UNC5C: variants seen among roughly 807,000 people sequenced by gnomAD.
UNC5C encodes the protein unc-5 netrin receptor C, also known as netrin receptor UNC5C.
A neutral mutation model predicts 99.8 loss-of-function variants in UNC5C; 47 were observed. The observed-to-expected ratio is 0.47, with a 90% CI of 0.37 to 0.60. The LOEUF is 0.60. UNC5C is among the 20% of genes least tolerant of loss of function. UNC5C has a pLI of 0.00. For missense variants in UNC5C, 1,062 were observed against 1,165.9 expected (o/e 0.91, Z 1.30); for synonymous variants, 487 against 452.2 (o/e 1.08, Z -0.98).
chr4:95,202,459 G>A lies in UNC5C; in HGVS notation c.2136+272C>T, dbSNP rs372750661. 8.5e-5 allele frequency among the ~76,000 whole-genome samples: 13 copies of A among 152,314 alleles called. No homozygotes were observed. In the East Asian group the frequency reaches 1.5e-3, roughly 18 times the overall value. On this transcript the variant is annotated intron_variant, in intron 12 of 15. Transcript: ENST00000453304. ...TGGAAGCAGATTATTTACCATCCAC[G>A]GGTCTCGTTGCCAAATTCTTCTAAA...
intron 1 of UNC5C, among the ~76,000 whole-genome samples, chr4:95,393,866 A>T (rs1397323156): frequency 2.4e-4 from 26 of 107,060 alleles, no homozygotes; most frequent in Admixed American, 1.4e-3. Flanking sequence ...TTTTTTTTAA[A>T]AAAAAACAGA....
chr4:95,415,104 T>C (rs1746123392), intron 1 of UNC5C, among the ~76,000 whole-genome samples: 1 of 152,126 alleles, frequency 6.6e-6, no homozygotes, highest in Admixed American at 6.5e-5. Flanking sequence ...TAGCCAGAGC[T>C]GTCACAGACT....
intron 7 of UNC5C, among the ~76,000 whole-genome samples, chr4:95,224,699 T>G (rs377005738): frequency 6.6e-6 from 1 of 152,156 alleles, no homozygotes; most frequent in African/African-American, 2.4e-5. Context: ...ATGGGGATAC[T>G]TTCCTGTTTT....
At chr4:95,430,728 C>T (rs1441185474) in intron 1 of UNC5C, among the ~76,000 whole-genome samples, 2 of 152,114 alleles carry the variant, frequency 1.3e-5, no homozygotes, top group African/African-American at 4.8e-5. Flanking sequence ...TGTAGGGTCT[C>T]ACCCTTGGAA....
intron 1 of UNC5C, among the ~76,000 whole-genome samples, chr4:95,416,476 C>T (rs768181349): frequency 1.3e-5 from 2 of 151,880 alleles, no homozygotes; most frequent in African/African-American, 2.4e-5. Flanking sequence ...GAGAAGGGTG[C>T]GGGTATGATG....
At position 95,167,200 on chromosome 4, in the gene UNC5C, A is replaced by C. The variant is rs1735890264; in HGVS notation, c.*2034T>G. On this transcript the variant is annotated 3_prime_UTR_variant, in exon 16 of 16. Coordinates refer to ENST00000453304, the MANE Select transcript of UNC5C (RefSeq NM_003728.4). ...CAGCAACTTGTGTGCCTCCAGCCTAAAAGTAAACCACAGTCATGTTCTAAA... is the reference window on the plus strand; with the variant it reads ...CAGCAACTTGTGTGCCTCCAGCCTACAAGTAAACCACAGTCATGTTCTAAA... The C allele has an allele frequency of 6.6e-6, 1 of 152,204 alleles. No homozygotes were observed. The highest frequency in any genetic ancestry group is 1.5e-5 in the Non-Finnish European group (1 of 68,044). The allele number at this position is 152,204 out of a possible 1,614,324, so 9.4% of individuals were successfully genotyped here.
intron 14 of UNC5C, among the ~76,000 whole-genome samples, chr4:95,173,975 T>A (rs1436521935): frequency 1.3e-5 from 2 of 151,944 alleles, no homozygotes; most frequent in African/African-American, 4.8e-5. Context: ...CTTGGGAGAG[T>A]GTATGTGTTG....
chr4:95,173,838 C>G (rs1736224955), intron 14 of UNC5C, among the ~76,000 whole-genome samples: 1 of 152,114 alleles, frequency 6.6e-6, no homozygotes, highest in Non-Finnish European at 1.5e-5. Context: ...CCTTGTACCT[C>G]TGGTAGAATT....
At chr4:95,230,214 T>C (rs1390748847) in intron 7 of UNC5C, among the ~76,000 whole-genome samples, 1 of 152,240 alleles carries the variant, frequency 6.6e-6, no homozygotes. Context: ...ATGAGCTTTT[T>C]TTCATGTTTG....
At chr4:95,527,374 ACAAAAATATACAACTG>A (rs1722525587) in intron 1 of UNC5C, among the ~76,000 whole-genome samples, 1 of 152,128 alleles carries the variant, frequency 6.6e-6, no homozygotes, top group Non-Finnish European at 1.5e-5. Context: ...ACTTTAAATC[ACAAAAATATACAACTG>A]CAAATCAGGA....
chr4:95,183,638 G>C (rs1736708125), intron 13 of UNC5C, among the ~76,000 whole-genome samples: 1 of 149,764 alleles, frequency 6.7e-6, no homozygotes, highest in Admixed American at 6.6e-5. Flanking sequence ...CATCGAACAG[G>C]CTTTAATTTT....
rs761581481 is a variant in UNC5C, at chr4:95,219,231, G to T, written c.1383C>A (p.Asp461Glu). Residue 461 changes from aspartate (D) to glutamate (E), a missense_variant, in exon 9 of 16, where the codon GAC becomes GAA. Asp to Glu is a conservative substitution (Grantham distance 45). Coordinates refer to ENST00000453304, the MANE Select transcript of UNC5C (RefSeq NM_003728.4). ...TTGGAGAGTTGGTCATTGGGATTTT[G>T]TCTGAGACGTCATGCAGGGCATAGA... ...GPVYALHDVS[D>E]KIPMTNSPIL... The T allele has an allele frequency of 1.2e-6, 2 of 1,614,176 alleles. No individual in the cohort carries two copies. The highest frequency in any genetic ancestry group is 3.3e-5 in the Admixed American group (2 of 60,022).
At chr4:95,372,857 TA>T (rs1367880459) in intron 1 of UNC5C, among the ~76,000 whole-genome samples, 4 of 152,154 alleles carry the variant, frequency 2.6e-5, no homozygotes, top group Non-Finnish European at 5.9e-5. Context: ...GAGTTCAGTT[TA>T]GATTTCTGAA....
In UNC5C at chr4:95,219,142, TG is replaced by T; in HGVS notation, c.1471del (p.Gln491LysfsTer15). 1.2e-6 allele frequency: 2 copies of T among 1,614,076 alleles called. No homozygotes were observed. Among genetic ancestry groups the T allele is most frequent in the Non-Finnish European group, 1.7e-6 (2 of 1,180,008 alleles). ...VYNTSGAVTP[Q>X]DDLSEFTSKL... ...GGACGTAAACTCAGAGAGGTCATCT[TG>T]GGGGGTGACAGCACCTGAGGTGTTG... On this transcript the variant is annotated frameshift_variant, in exon 9 of 16. Coordinates refer to ENST00000453304, the MANE Select transcript of UNC5C (RefSeq NM_003728.4). LOFTEE classifies it high-confidence loss of function.
intron 1 of UNC5C, among the ~76,000 whole-genome samples, chr4:95,505,333 G>T (rs929804888): frequency 6.6e-6 from 1 of 152,026 alleles, no homozygotes; most frequent in African/African-American, 2.4e-5. Context: ...TCATGGAAAA[G>T]ATCCTAGAAA....
chr4:95,421,999 C>T (rs1746332839), intron 1 of UNC5C, among the ~76,000 whole-genome samples: 1 of 152,168 alleles, frequency 6.6e-6, no homozygotes, highest in African/African-American at 2.4e-5. Context: ...TCTGTGGTAA[C>T]AGCAAGGGCC....
At position 95,356,815 on chromosome 4, in the gene UNC5C, A is replaced by G. The variant is rs377307720; in HGVS notation, c.125-21184T>C. 7.9e-5 allele frequency among the ~76,000 whole-genome samples: 12 copies of G among 152,278 alleles called. No homozygotes were observed. In the South Asian group the frequency reaches 1.2e-3, roughly 16 times the overall value. On this transcript the variant is annotated intron_variant, in intron 1 of 15. Transcript: ENST00000453304. ...GTAGGGTGGGAAAACATGAGTGAGT[A>G]TTGCTTGAGGTTATAGAGAAGTAAT...
At chr4:95,468,130 T>G (rs1376948507) in intron 1 of UNC5C, among the ~76,000 whole-genome samples, 1 of 21,766 alleles carries the variant, frequency 4.6e-5, no homozygotes, top group Non-Finnish European at 7.9e-5. Flanking sequence ...TTTTTTGGGT[T>G]TTTTTTTTTT....
intron 3 of UNC5C, among the ~76,000 whole-genome samples, chr4:95,288,346 C>T (rs1458285084): frequency 1.3e-5 from 2 of 152,030 alleles, no homozygotes; most frequent in Non-Finnish European, 2.9e-5. Context: ...GCCTCCCAAA[C>T]TGCTGGGATT....
Sources: allele counts gnomAD v4.1 joint callset (sites outside exome capture counted in the v4.1 genomes callset), GRCh38; gene constraint gnomAD v4.1.1; transcripts MANE v1.5; gene names NCBI Gene and HGNC (gene_info 2026-07-23, HGNC 2026-07-21).